The following POU6F2 variants were observed in gnomAD, a reference collection of about 807,000 sequenced individuals.
POU6F2 encodes POU class 6 homeobox 2, also known as POU domain, class 6, transcription factor 2.
In POU6F2, 31 loss-of-function variants were observed where a neutral mutation model predicts 71.3. That is an observed-to-expected ratio of 0.43 (90% CI 0.33 to 0.59). The LOEUF (loss-of-function observed/expected upper bound fraction) is 0.59, where lower values mean the gene tolerates loss of function less well. Among genes scored for constraint, POU6F2 ranks in the 20% least tolerant of loss-of-function variants. POU6F2 has a pLI of 0.04. For synonymous variants in POU6F2, 347 were observed against 355.7 expected (o/e 0.98, Z 0.27); for missense variants, 783 against 856.8 (o/e 0.91, Z 1.07).
chr7:39,020,702 G>C (rs1789664531), intron 1 of POU6F2, among the ~76,000 whole-genome samples: 1 of 151,496 alleles, frequency 6.6e-6, no homozygotes, highest in African/African-American at 2.4e-5. Context: ...AGGTGTTATT[G>C]CTCTTAAGAT....
chr7:39,143,178 T>G (rs982822467), intron 2 of POU6F2, among the ~76,000 whole-genome samples: 1 of 152,188 alleles, frequency 6.6e-6, no homozygotes, highest in Non-Finnish European at 1.5e-5. Context: ...CCTTTGGTGG[T>G]CTCCAAGTTG....
At chr7:39,254,095 TACCCAA>T (rs1783974151) in intron 4 of POU6F2, among the ~76,000 whole-genome samples, 2 of 152,152 alleles carry the variant, frequency 1.3e-5, no homozygotes, top group African/African-American at 4.8e-5. Flanking sequence ...CTGTGCAACC[TACCCAA>T]ACCCTCCCCA....
At chr7:39,192,574 A>G (rs1272958690) in intron 2 of POU6F2, among the ~76,000 whole-genome samples, 2 of 152,232 alleles carry the variant, frequency 1.3e-5, no homozygotes, top group Admixed American at 1.3e-4. Flanking sequence ...TGTTTTAAAA[A>G]GGATAAATAT....
At chr7:39,346,859 G>C (rs1220072964) in intron 5 of POU6F2, among the ~76,000 whole-genome samples, 1 of 152,156 alleles carries the variant, frequency 6.6e-6, no homozygotes, top group African/African-American at 2.4e-5. Flanking sequence ...CCAAAGCATA[G>C]ACTTGCAAGT....
intron 4 of POU6F2, among the ~76,000 whole-genome samples, chr7:39,254,107 C>T (rs1175112728): frequency 6.6e-6 from 1 of 152,138 alleles, no homozygotes; most frequent in Admixed American, 6.5e-5. Flanking sequence ...CCCAAACCCT[C>T]CCCAGAGCTC....
rs1056138198 is a variant in POU6F2, at chr7:39,459,239, T to C, written c.1490-1308T>C. ...TGAGTAATGACATTCTACAGGACTT[T>C]TGTCGTTGTTGTTTTAATGTGAAGA... On this transcript the variant is annotated intron_variant, in intron 8 of 9. Coordinates refer to ENST00000518318, the MANE Select transcript of POU6F2 (RefSeq NM_001370959.1). Among the ~76,000 whole-genome samples, 8 of 152,234 alleles carry C rather than the reference T, an allele frequency of 5.3e-5. No homozygotes were observed. The South Asian group carries it at 1.2e-3, about 24-fold the overall frequency.
At chr7:39,380,968 C>T (rs1786815882) in intron 5 of POU6F2, among the ~76,000 whole-genome samples, 1 of 152,134 alleles carries the variant, frequency 6.6e-6, no homozygotes, top group Non-Finnish European at 1.5e-5. Flanking sequence ...TTATCTCATC[C>T]CCTAAAAAAG....
intron 5 of POU6F2, among the ~76,000 whole-genome samples, chr7:39,378,577 G>A (rs577155675): frequency 1.5e-4 from 23 of 152,286 alleles, no homozygotes; most frequent in East Asian, 5.8e-4. Context: ...TCTATGCTCC[G>A]TCAATCTGTT....
At position 39,340,118 on chromosome 7, in the gene POU6F2, C is replaced by G. The variant is rs1785883830; in HGVS notation, c.972+103C>G. The G allele has an allele frequency of 5.0e-6, 7 of 1,400,688 alleles. No homozygotes were observed. The Admixed American group carries it at 1.7e-4, about 34-fold the overall frequency. 86.8% of individuals were successfully genotyped at this position (1,400,688 alleles called of 1,614,324 possible). ...GAGGGACCACACAAAACTTAGCATC[C>G]AGTTCTGCAGCATCTAATTCAAATT... On this transcript the variant is annotated intron_variant, in intron 5 of 9. Transcript: ENST00000518318.
chr7:39,040,553 G>A (rs1584513126), intron 1 of POU6F2, among the ~76,000 whole-genome samples: 2 of 151,808 alleles, frequency 1.3e-5, no homozygotes, highest in Middle Eastern at 3.4e-3. Flanking sequence ...AAAACCCAAA[G>A]CTATGTTTTC....
intron 2 of POU6F2, among the ~76,000 whole-genome samples, chr7:39,163,993 G>A (rs1344015058): frequency 6.6e-6 from 1 of 152,072 alleles, no homozygotes; most frequent in African/African-American, 2.4e-5. Flanking sequence ...TTCCAGTTAG[G>A]CAGGAGAAGT....
chr7:39,307,358 C>T lies in POU6F2; in HGVS notation c.599-32284C>T, dbSNP rs565839126. Among the ~76,000 whole-genome samples, 162 of 152,098 alleles carry T rather than the reference C, an allele frequency of 1.1e-3. 1 individual carries two copies. In the South Asian group the frequency reaches 0.03, roughly 28 times the overall value. On this transcript the variant is annotated intron_variant, in intron 4 of 9. Coordinates refer to ENST00000518318, the MANE Select transcript of POU6F2 (RefSeq NM_001370959.1). ...ATATTTTTTAGAATAAGAAAAAAAT[C>T]ACAACAAATTACAAATGTAAAAGTT...
At chr7:39,387,655 T>C (rs1383502152) in intron 5 of POU6F2, among the ~76,000 whole-genome samples, 1 of 152,214 alleles carries the variant, frequency 6.6e-6, no homozygotes, top group East Asian at 1.9e-4. Context: ...CATACAGTTA[T>C]TCAGCTTTGT....
At chr7:39,224,946 A>G (rs1267186576) in intron 4 of POU6F2, among the ~76,000 whole-genome samples, 1 of 152,232 alleles carries the variant, frequency 6.6e-6, no homozygotes, top group African/African-American at 2.4e-5. Flanking sequence ...TCATATGACC[A>G]TGTGATTTAC....
At chr7:39,087,677 G>A (rs933716240) in intron 2 of POU6F2, among the ~76,000 whole-genome samples, 8 of 152,138 alleles carry the variant, frequency 5.3e-5, no homozygotes, top group African/African-American at 1.9e-4. Context: ...CTTTTAAAAA[G>A]TAATCAATTT....
At chr7:39,451,831 T>C (rs1788669928) in intron 8 of POU6F2, 130 bp downstream of exon 8, 1 of 1,200,954 alleles carries the variant, frequency 8.3e-7, no homozygotes, top group Admixed American at 2.3e-5. Context: ...AGGAATTTCC[T>C]GGCACTGCTA....
At chr7:39,140,419 A>T (rs1036676693) in intron 2 of POU6F2, among the ~76,000 whole-genome samples, 1 of 152,208 alleles carries the variant, frequency 6.6e-6, no homozygotes, top group Non-Finnish European at 1.5e-5. Context: ...ACAGAAATTT[A>T]TTCTTTCACA....
intron 4 of POU6F2, among the ~76,000 whole-genome samples, chr7:39,246,905 C>CGTTTTTTTTTTTTTTTTTTTT (rs1783830137): frequency 1.3e-5 from 1 of 78,150 alleles, no homozygotes; most frequent in African/African-American, 5.9e-5. Flanking sequence ...TCCAGGGTGG[C>CGTTTTTTTTTTTTTTTTTTTT]TTTTTTTTTT....
At chr7:39,124,743 C>A (rs2128728298) in intron 2 of POU6F2, among the ~76,000 whole-genome samples, 2 of 152,264 alleles carry the variant, frequency 1.3e-5, no homozygotes, top group South Asian at 4.1e-4. Flanking sequence ...ACAGAACAAC[C>A]CTGTTAGTGG....
Sources: gnomAD v4.1 joint callset for allele counts (sites outside exome capture counted in the v4.1 genomes callset) on GRCh38, gnomAD v4.1.1 for gene constraint, MANE v1.5 for transcripts, NCBI Gene and HGNC (gene_info 2026-07-23, HGNC 2026-07-21) for gene names.